The following YLPM1 variants were observed in gnomAD, a reference collection of about 807,000 sequenced individuals.
The protein encoded by YLPM1 is YLP motif containing 1, also known as YLP motif-containing protein 1.
Under a neutral mutation model 230.0 loss-of-function variants are expected in YLPM1, and 99 were observed. The ratio of observed to expected loss-of-function variants is 0.43; its 90% CI spans 0.37 to 0.51. The LOEUF (loss-of-function observed/expected upper bound fraction) is 0.51, where lower values mean the gene tolerates loss of function less well. Among genes scored for constraint, YLPM1 ranks in the 20% least tolerant of loss-of-function variants. The pLI is 0.00. For missense variants in YLPM1, 2,592 were observed against 2,707.7 expected (o/e 0.96, Z 0.95); for synonymous variants, 984 against 942.5 (o/e 1.04, Z -0.81).
intron 4 of YLPM1, among the ~76,000 whole-genome samples, chr14:74,786,452 C>A (rs2091151211): frequency 6.6e-6 from 1 of 151,924 alleles, no homozygotes; most frequent in Non-Finnish European, 1.5e-5. Flanking sequence ...CCCTCATCCC[C>A]CTCAGTTATT....
Position 74,763,941 on chromosome 14 carries a change from C to T in YLPM1, c.452C>T (p.Pro151Leu), listed in dbSNP as rs771515706. 2.5e-6 allele frequency: 3 copies of T among 1,224,446 alleles called. No individual in the cohort carries two copies. The highest frequency in any genetic ancestry group is 2.6e-5 in the Admixed American group (1 of 37,826). 75.8% of individuals were successfully genotyped at this position (1,224,446 alleles called of 1,614,324 possible). ...CTGGAATCCCCCCCTGAATCTCCCC[C>T]TGTGCCGCCTGGGTCCTATATGCCC... ...MELESPPESP[P>L]VPPGSYMPPS... The change falls in exon 1 of 21, where the codon CCT (proline) becomes CTT (leucine). Residue 151 changes from proline (P) to leucine (L), a missense_variant. Around this residue, in one of 4 missense-constraint regions of YLPM1, gnomAD observed 1,862 missense variants for 1,819.8 expected, o/e 1.02. Transcript: ENST00000325680.
intron 6 of YLPM1, among the ~76,000 whole-genome samples, chr14:74,804,824 C>T (rs1200794202): frequency 1.3e-5 from 2 of 152,136 alleles, no homozygotes; most frequent in African/African-American, 4.8e-5. Flanking sequence ...ATCCACATTT[C>T]TGCTTTATTT....
chr14:74,763,480 C>CT lies in YLPM1; in HGVS notation c.-5dup. The CT allele has an allele frequency of 6.9e-7, 1 of 1,443,572 alleles. No homozygotes were observed. The highest frequency in any genetic ancestry group is 2.7e-5 in the East Asian group (1 of 37,434). 89.4% of individuals were successfully genotyped at this position (1,443,572 alleles called of 1,614,324 possible). A position where few individuals can be genotyped will look rare whatever the true frequency, so the allele number is the denominator to read the frequency against. On this transcript the variant is annotated 5_prime_UTR_variant, in exon 1 of 21. Transcript: ENST00000325680. ...GGCGCCAGGACGAGCCCTGCGCCTT[C>CT]TTTTTCGATATGTACCCGAATTGGG...
chr14:74,823,574 C>T (rs1239584182), intron 17 of YLPM1, among the ~76,000 whole-genome samples: 1 of 151,970 alleles, frequency 6.6e-6, no homozygotes, highest in African/African-American at 2.4e-5. Flanking sequence ...TCTGGTTTTT[C>T]ATGTAAGAGG....
intron 1 of YLPM1, among the ~76,000 whole-genome samples, chr14:74,766,813 T>C (rs796192643): frequency 9.2e-4 from 139 of 151,640 alleles, no homozygotes; most frequent in African/African-American, 3.1e-3. Flanking sequence ...TTAGATCTTA[T>C]GTCATTTCAT....
intron 1 of YLPM1, among the ~76,000 whole-genome samples, chr14:74,769,851 ACCCC>A (rs113231747): frequency 2.2e-4 from 17 of 76,784 alleles, no homozygotes; most frequent in African/African-American, 8.1e-4. Context: ...AAAGTGAGAC[ACCCC>A]CCCCCCCGCC....
chr14:74,835,204 G>A, intron 19 of YLPM1, 61 bp from the exon 20 acceptor site: 1 of 1,593,314 alleles, frequency 6.3e-7, no homozygotes, highest in Admixed American at 1.7e-5. Flanking sequence ...TCCAGAGAGG[G>A]AGGGGGCTCT....
In YLPM1 at chr14:74,799,311, ACCT is replaced by A. The variant is rs771499992; in HGVS notation, c.4016_4018del (p.Pro1339del). The A allele has an allele frequency of 5.6e-6, 9 of 1,613,810 alleles. No homozygotes were observed. In the Admixed American group the frequency reaches 1.5e-4, roughly 27 times the overall value. The stretch of plus-strand genomic sequence containing the variant: ...CTCTTCCACCTTTACCGCCCCTCCC[ACCT>A]CTTCCACCTTTGGATAGATATCGGG... On this transcript the variant is annotated inframe_deletion, in exon 5 of 21. Coordinates refer to ENST00000325680, the MANE Select transcript of YLPM1 (RefSeq NM_019589.3).
At chr14:74,785,450 C>T (rs2091138470) in intron 4 of YLPM1, among the ~76,000 whole-genome samples, 1 of 152,210 alleles carries the variant, frequency 6.6e-6, no homozygotes. Context: ...TTTGCTCACT[C>T]AGCCCTTATA....
At chr14:74,811,418 G>A (rs1431429397) in intron 9 of YLPM1, among the ~76,000 whole-genome samples, 2 of 152,032 alleles carry the variant, frequency 1.3e-5, no homozygotes, top group Non-Finnish European at 2.9e-5. Context: ...TGGAGATCAA[G>A]GCTGCAGTGA....
rs751390933 is a variant in YLPM1 at position 74,816,687 on chromosome 14, G to A, written c.5682G>A (p.Lys1894=). The change falls in exon 13 of 21, where the codon AAG becomes AAA. Residue 1894 remains lysine, a synonymous_variant. Coordinates refer to ENST00000325680, the MANE Select transcript of YLPM1 (RefSeq NM_019589.3). ...KDPDSGKKVK[K]KVMEYEYEAE... ...CAGATTCTGGAAAGAAAGTGAAAAA[G>A]AAGGTATGGTATTCATCTCAGATCT... The A allele has an allele frequency of 1.9e-6, 3 of 1,611,378 alleles. No individual in the cohort carries two copies. Among genetic ancestry groups the A allele is most frequent in the Admixed American group, 3.4e-5 (2 of 59,620 alleles).
chr14:74,814,427 G>T (rs2091460989), intron 11 of YLPM1, among the ~76,000 whole-genome samples: 1 of 152,320 alleles, frequency 6.6e-6, no homozygotes, highest in East Asian at 1.9e-4. Flanking sequence ...GGTTGAGAAA[G>T]TTCCCTTCTA....
intron 11 of YLPM1, among the ~76,000 whole-genome samples, chr14:74,815,896 C>CTCCTCTTGATTTCTGGT (rs1251063592): frequency 1.3e-5 from 2 of 151,860 alleles, no homozygotes. Flanking sequence ...TGGTTTCTGG[C>CTCCTCTTGATTTCTGGT]TCCTCTTGAT....
chr14:74,798,687 TAG>T lies in YLPM1; in HGVS notation c.3398_3399del (p.Arg1133AsnfsTer32). ...GGGGACCTCTTCGAAGGGCTGGGAG[TAG>T]AGAGAGAATACCACCCCGAAGAGCT... ...ERGPLRRAGS[R>X]ERIPPRRAGS... On this transcript the variant is annotated frameshift_variant, in exon 5 of 21. Coordinates refer to ENST00000325680, the MANE Select transcript of YLPM1 (RefSeq NM_019589.3). LOFTEE classifies it high-confidence loss of function. The T allele has an allele frequency of 6.2e-7, 1 of 1,608,336 alleles. No homozygotes were observed. Among genetic ancestry groups the T allele is most frequent in the Non-Finnish European group, 8.5e-7 (1 of 1,177,518 alleles).
chr14:74,806,440 G>A (rs1014192421), intron 6 of YLPM1, among the ~76,000 whole-genome samples: 7 of 151,996 alleles, frequency 4.6e-5, no homozygotes, highest in African/African-American at 1.7e-4. Context: ...ACAAAAATTA[G>A]CCAGGCACGC....
At chr14:74,771,801 GGA>G (rs1157385760) in intron 1 of YLPM1, among the ~76,000 whole-genome samples, 4 of 152,126 alleles carry the variant, frequency 2.6e-5, no homozygotes, top group Non-Finnish European at 5.9e-5. Flanking sequence ...TTTGACTGAA[GGA>G]GAGAGAGAAT....
At chr14:74,824,969 A>G (rs980454958) in intron 18 of YLPM1, among the ~76,000 whole-genome samples, 5 of 152,170 alleles carry the variant, frequency 3.3e-5, no homozygotes, top group Non-Finnish European at 1.5e-5. Flanking sequence ...TTTGTTGGTG[A>G]AAACTGCAAA....
At chr14:74,771,558 T>C (rs8016513) in intron 1 of YLPM1, among the ~76,000 whole-genome samples, 33,337 of 152,110 alleles carry the variant, frequency 0.22, 4,272 homozygotes, top group African/African-American at 0.34. Context: ...TGCGTTGCCA[T>C]GAACGTCAAG....
rs1425240752 is a variant in YLPM1 at position 74,811,736 on chromosome 14, G to C, written c.5345G>C (p.Gly1782Ala). The C allele has an allele frequency of 1.3e-6, 2 of 1,582,132 alleles. No homozygotes were observed. The highest frequency in any genetic ancestry group is 1.7e-6 in the Non-Finnish European group (2 of 1,166,732). The change falls in exon 10 of 21, where the codon GGA becomes GCA. Residue 1782 changes from glycine to alanine, a missense_variant and splice_region_variant. Gly to Ala is a moderately conservative substitution (Grantham distance 60, BLOSUM62 0). Transcript: ENST00000325680. ...GTCTATGAAGGACCATCCATGTTTG[G>C]AGGTAGAGTGATGCCTTATTAACTA... The part of the protein sequence containing the change: ...RPVYEGPSMF[G>A]GERRTYPEER...
Sources: allele counts gnomAD v4.1 joint callset (sites outside exome capture counted in the v4.1 genomes callset), GRCh38; gene constraint gnomAD v4.1.1; regional missense constraint gnomAD v4.1.1; transcripts MANE v1.5; gene names NCBI Gene and HGNC (gene_info 2026-07-23, HGNC 2026-07-21).